Variants in CCDC180 observed in about 807,000 individuals in gnomAD.
CCDC180 encodes the protein coiled-coil domain-containing protein 180.
A neutral mutation model predicts 209.2 loss-of-function variants in CCDC180; 154 were observed. That is an observed-to-expected ratio of 0.74 (90% confidence interval 0.65 to 0.84). CCDC180 has a LOEUF of 0.84. Among genes scored for constraint, CCDC180 ranks in the 40% least tolerant of loss-of-function variants. The probability of loss-of-function intolerance (pLI) is 0.00; values close to 1 mark genes in which losing one functional copy is unlikely to be tolerated. For synonymous variants in CCDC180, 778 were observed against 749.1 expected, an observed-to-expected ratio of 1.04 and a Z score of -0.63; for missense variants, 1,874 against 1,997.3, an observed-to-expected ratio of 0.94 and a Z score of 1.18.
chr9:97,308,867 A>C (rs1329394522), intron 2 of CCDC180, among the ~76,000 whole-genome samples: 1 of 152,214 alleles, frequency 6.6e-6, no homozygotes, highest in Non-Finnish European at 1.5e-5. Flanking sequence ...TTCTTAACTC[A>C]TGGCATACTT....
chr9:97,332,221 T>A (rs1825775690), intron 18 of CCDC180, among the ~76,000 whole-genome samples: 1 of 152,116 alleles, frequency 6.6e-6, no homozygotes, highest in African/African-American at 2.4e-5. Context: ...TCTATTCCAT[T>A]GGTCTGTGTG....
At chr9:97,320,822 A>T (rs1301256014) in intron 11 of CCDC180, among the ~76,000 whole-genome samples, 1 of 152,114 alleles carries the variant, frequency 6.6e-6, no homozygotes, top group African/African-American at 2.4e-5. Flanking sequence ...TCGTTTGTTG[A>T]TGTATTGTGT....
At chr9:97,315,766 A>G (rs899633520) in intron 8 of CCDC180, among the ~76,000 whole-genome samples, 6 of 152,202 alleles carry the variant, frequency 3.9e-5, no homozygotes, top group African/African-American at 1.4e-4. Flanking sequence ...AGCACAGGCA[A>G]GGAGTGAGCA....
chr9:97,307,487 A>G, upstream of CCDC180: 3 of 591,242 alleles, frequency 5.1e-6, no homozygotes, highest in Non-Finnish European at 9.2e-6. Flanking sequence ...AGGGAGGGGG[A>G]TGGCAGAGGC....
At chr9:97,337,696 TTC>T (rs1178535826) in intron 18 of CCDC180, among the ~76,000 whole-genome samples, 1 of 152,194 alleles carries the variant, frequency 6.6e-6, no homozygotes, top group Non-Finnish European at 1.5e-5. Flanking sequence ...TTAGGGAGGA[TTC>T]CCTCCTTTTC....
chr9:97,332,249 A>G (rs987137423), intron 18 of CCDC180, among the ~76,000 whole-genome samples: 1 of 152,134 alleles, frequency 6.6e-6, no homozygotes, highest in Non-Finnish European at 1.5e-5. Flanking sequence ...TTGTGCTTGT[A>G]TTATGCTGTT....
intron 20 of CCDC180, among the ~76,000 whole-genome samples, chr9:97,348,452 G>A (rs975048527): frequency 1.1e-4 from 16 of 152,214 alleles, no homozygotes; most frequent in African/African-American, 2.9e-4. Context: ...TCCTTCCCAC[G>A]GCCCCTGACC....
In CCDC180 at chr9:97,330,675, G is replaced by T. The variant is rs1183435773; in HGVS notation, c.2182G>T (p.Glu728Ter). Residue 728 changes from glutamate (E) to a stop codon, truncating the protein, a stop_gained, in exon 18 of 37, where the codon GAG becomes TAG. Transcript: ENST00000529487. LOFTEE classifies it high-confidence loss of function. ...GAAGGAGGAGTCAGAGGAGGAAGAT[G>T]AGAAGGAGGAAGAGGAGGAGGAGGA... is the stretch of plus-strand genomic sequence containing the variant. ...EKKEESEEEDEKEEEEEEEKL... is the reference protein window; with the variant it reads ...EKKEESEEED 1 of 1,574,840 alleles carries T rather than the reference G, an allele frequency of 6.3e-7. No homozygotes were observed. Among genetic ancestry groups the T allele is most frequent in the South Asian group, 1.1e-5 (1 of 89,646 alleles).
intron 21 of CCDC180, among the ~76,000 whole-genome samples, 196 bp from the exon 22 acceptor site, chr9:97,350,213 A>G (rs540063965): frequency 4.3e-4 from 62 of 144,816 alleles, no homozygotes; most frequent in African/African-American, 1.5e-3. Flanking sequence ...CAGGAAGGTC[A>G]CCTATCACCA....
At chr9:97,374,500 C>A in intron 34 of CCDC180, 43 bp from the exon 35 acceptor site, 12 of 1,463,772 alleles carry the variant, frequency 8.2e-6, no homozygotes, top group Non-Finnish European at 1.1e-5. Context: ...CGATCTCAGG[C>A]TGTCGGTGAG....
At chr9:97,376,064 A>C in intron 36 of CCDC180, 1 of 163,040 alleles carries the variant, frequency 6.1e-6, no homozygotes, top group Non-Finnish European at 1.3e-5. Context: ...AATTATTATC[A>C]TTTCATTGAT....
At chr9:97,334,489 C>T (rs756515368) in intron 18 of CCDC180, among the ~76,000 whole-genome samples, 2 of 152,176 alleles carry the variant, frequency 1.3e-5, no homozygotes, top group African/African-American at 2.4e-5. Flanking sequence ...AGCCTGACTC[C>T]AGGATCCATG....
At position 97,347,448 on chromosome 9, in the gene CCDC180, G is replaced by T. The variant is rs1246409358; in HGVS notation, c.2633G>T (p.Arg878Ile). Residue 878 changes from arginine to isoleucine, a missense_variant, in exon 20 of 37, where the codon AGA becomes ATA. Physicochemically the swap from Arg to Ile is moderately conservative, Grantham distance 97. Transcript: ENST00000529487. ...LELHLHLHQP[R>I]AQQIEKDIHN... Reference sequence around the variant, plus strand: ...CTGCATCTGCACCTGCACCAGCCAAGAGCCCAGCAGATTGAAAAAGACATC... The same window carrying T: ...CTGCATCTGCACCTGCACCAGCCAATAGCCCAGCAGATTGAAAAAGACATC... 22 of 1,536,052 alleles carry T rather than the reference G, an allele frequency of 1.4e-5. No homozygotes were observed. The highest frequency in any genetic ancestry group is 1.8e-5 in the Non-Finnish European group (21 of 1,146,938).
At position 97,337,776 on chromosome 9, in the gene CCDC180, G is replaced by A. The variant is rs1186596646; in HGVS notation, c.2275-5564G>A. Among the ~76,000 whole-genome samples the A allele has an allele frequency of 4.6e-5, 7 of 152,274 alleles. No homozygotes were observed. The East Asian group carries it at 1.4e-3, about 29-fold the overall frequency. On this transcript the variant is annotated intron_variant, in intron 18 of 36. Coordinates refer to ENST00000529487, the MANE Select transcript of CCDC180 (RefSeq NM_020893.6). ...TTTGTACCTCTGGTAGAATTCGGCT[G>A]TGAATCCATCTGGTCCTGGACATTT...
intron 22 of CCDC180, among the ~76,000 whole-genome samples, chr9:97,352,183 T>C (rs1826439947): frequency 6.6e-6 from 1 of 152,060 alleles, no homozygotes; most frequent in African/African-American, 2.4e-5. Context: ...GGGAAACCAA[T>C]TTATTAACAT....
At chr9:97,319,313 A>T (rs988740514) in intron 10 of CCDC180, among the ~76,000 whole-genome samples, 1 of 152,238 alleles carries the variant, frequency 6.6e-6, no homozygotes, top group Non-Finnish European at 1.5e-5. Context: ...ATAAAAATTT[A>T]AAAAAGAATT....
chr9:97,350,488 C>A lies in CCDC180; in HGVS notation c.2935C>A (p.Arg979=). 1 of 1,536,396 alleles carries A rather than the reference C, an allele frequency of 6.5e-7. No homozygotes were observed. Among genetic ancestry groups the A allele is most frequent in the South Asian group, 1.2e-5 (1 of 84,050 alleles). The part of the protein sequence containing the change: ...DVTQVSLRSF[R]QYLEESLGKL... The stretch of plus-strand genomic sequence containing the variant: ...CACCCAGGTGTCCCTGCGCAGCTTC[C>A]GGCAGTACTTGGAGGAGAGTCTGGG... Residue 979 remains arginine (R), a synonymous_variant, in exon 22 of 37, where the codon CGG becomes AGG. Coordinates refer to ENST00000529487, the MANE Select transcript of CCDC180 (RefSeq NM_020893.6).
At chr9:97,315,225 C>T (rs1021153129) in intron 8 of CCDC180, among the ~76,000 whole-genome samples, 11 of 152,140 alleles carry the variant, frequency 7.2e-5, no homozygotes, top group African/African-American at 2.4e-4. Context: ...TCGTCTGGAG[C>T]GCTGATGATG....
At chr9:97,315,475 C>T (rs1413225957) in intron 8 of CCDC180, among the ~76,000 whole-genome samples, 1 of 152,136 alleles carries the variant, frequency 6.6e-6, no homozygotes, top group African/African-American at 2.4e-5. Context: ...TGTCCATGCC[C>T]CTAGCACCCC....
Sources: gnomAD v4.1 joint callset for allele counts (sites outside exome capture counted in the v4.1 genomes callset) on GRCh38, gnomAD v4.1.1 for gene constraint, MANE v1.5 for transcripts, NCBI Gene and HGNC (gene_info 2026-07-23, HGNC 2026-07-21) for gene names.